SAR1A: variants seen among roughly 807,000 people sequenced by gnomAD.
SAR1A encodes the protein small COPII coat GTPase SAR1A.
Under a neutral mutation model 22.6 loss-of-function variants are expected in SAR1A, and 6 were observed. That is an observed-to-expected ratio of 0.27 (90% CI 0.15 to 0.52). The LOEUF is 0.52. Ranked by LOEUF, SAR1A falls within the 20% of genes least tolerant of loss-of-function variation. The probability of loss-of-function intolerance (pLI) is 0.96; values close to 1 mark genes in which losing one functional copy is unlikely to be tolerated. For missense variants in SAR1A, 145 were observed against 245.1 expected, an observed-to-expected ratio of 0.59 and a Z score of 2.73; for synonymous variants, 70 against 82.2, an observed-to-expected ratio of 0.85 and a Z score of 0.80.
intron 1 of SAR1A, chr10:70,163,963 A>G: frequency 1.4e-6 from 2 of 1,428,532 alleles, no homozygotes; most frequent in Non-Finnish European, 2.0e-6. Flanking sequence ...TGTGTGTTTG[A>G]TAAGGATGGC....
intron 6 of SAR1A, among the ~76,000 whole-genome samples, chr10:70,153,511 C>CA (rs898646096): frequency 4.4e-4 from 65 of 148,296 alleles, no homozygotes; most frequent in African/African-American, 6.2e-4. Context: ...AACTCCAGTC[C>CA]AAAAAAAAAA....
At chr10:70,154,510 T>C (rs1839362969) in intron 5 of SAR1A, among the ~76,000 whole-genome samples, 1 of 142,190 alleles carries the variant, frequency 7.0e-6, no homozygotes, top group African/African-American at 2.5e-5. Flanking sequence ...ATGTTTTTTT[T>C]CTTTTTTCTT....
chr10:70,147,699 T>C lies in SAR1A; in HGVS notation c.*4777A>G, dbSNP rs1839270449. The C allele has an allele frequency of 6.6e-6, 1 of 152,128 alleles. No individual in the cohort carries two copies. The highest frequency in any genetic ancestry group is 1.5e-5 in the Non-Finnish European group (1 of 68,028). 9.4% of individuals were successfully genotyped at this position (152,128 alleles called of 1,614,324 possible). A position where few individuals can be genotyped will look rare whatever the true frequency, so the allele number is the denominator to read the frequency against. ...ATAGTTTACCATCTCTAGTGTACAC[T>C]AACATAAACTGCTCTACTTTTCCAA... On this transcript the variant is annotated 3_prime_UTR_variant, in exon 7 of 7. Coordinates refer to ENST00000373241, the MANE Select transcript of SAR1A (RefSeq NM_020150.5).
At chr10:70,160,579 A>T (rs547913403) in intron 4 of SAR1A, among the ~76,000 whole-genome samples, 2 of 152,346 alleles carry the variant, frequency 1.3e-5, no homozygotes, top group East Asian at 3.9e-4. Context: ...AGCAATACAT[A>T]TATCTTTTAA....
chr10:70,161,005 T>G lies in SAR1A; in HGVS notation c.243A>C (p.Gln81His). The change falls in exon 4 of 7, where the codon CAA (glutamine) becomes CAC (histidine). Residue 81 changes from glutamine to histidine, a missense_variant and splice_region_variant. Coordinates refer to ENST00000373241, the MANE Select transcript of SAR1A (RefSeq NM_020150.5). ...FTTFDLGGHE[Q>H]ARRVWKNYLP... ...GCTTTCCACTGAGTCATCACTTACC[T>G]TGCTCGTGCCCACCAAGATCAAAAG... is the stretch of plus-strand genomic sequence containing the variant. 6.2e-7 allele frequency: 1 copy of G among 1,611,916 alleles called. No homozygotes were observed. The highest frequency in any genetic ancestry group is 8.5e-7 in the Non-Finnish European group (1 of 1,178,600).
chr10:70,151,267 A>AAAAAAAAAAAAAAAAAAAAAAAAAAAAAC lies in SAR1A; in HGVS notation c.*1208_*1209insGTTTTTTTTTTTTTTTTTTTTTTTTTTTT. 1 of 69,636 alleles carries AAAAAAAAAAAAAAAAAAAAAAAAAAAAAC rather than the reference A, an allele frequency of 1.4e-5. No homozygotes were observed. Among genetic ancestry groups the AAAAAAAAAAAAAAAAAAAAAAAAAAAAAC allele is most frequent in the Non-Finnish European group, 3.8e-5 (1 of 26,326 alleles). The allele number at this position is 69,636 out of a possible 1,614,324, so 4.3% of individuals were successfully genotyped here. On this transcript the variant is annotated 3_prime_UTR_variant, in exon 7 of 7. Coordinates refer to ENST00000373241, the MANE Select transcript of SAR1A (RefSeq NM_020150.5). ...GAAAGACAATTTCATACCAAAAAAAAAAAAAAAAAAAAAAAAACCTGGAAA... is the reference window on the plus strand; with the variant it reads ...GAAAGACAATTTCATACCAAAAAAAAAAAAAAAAAAAAAAAAAAAAAAAAAAAACAAAAAAAAAAAAAAAAACCTGGAAA...
chr10:70,157,401 C>CAAAAA (rs55801259), intron 5 of SAR1A, among the ~76,000 whole-genome samples: 2 of 131,240 alleles, frequency 1.5e-5, no homozygotes, highest in African/African-American at 6.0e-5. Flanking sequence ...AAGACTCCGT[C>CAAAAA]AAAAAAAAAA....
At position 70,147,448 on chromosome 10, in the gene SAR1A, C is replaced by T. The variant is rs1218456272; in HGVS notation, c.*5028G>A. 6.6e-6 allele frequency: 1 copy of T among 152,172 alleles called. No individual in the cohort carries two copies. Among genetic ancestry groups the T allele is most frequent in the Non-Finnish European group, 1.5e-5 (1 of 68,042 alleles). 9.4% of individuals were successfully genotyped at this position (152,172 alleles called of 1,614,324 possible). ...AGTTTGGGGGGACCATACAACTTGT[C>T]TCAAATAGTCAACTCTGCAGCTGTT... On this transcript the variant is annotated 3_prime_UTR_variant, in exon 7 of 7. Transcript: ENST00000373241.
At position 70,147,316 on chromosome 10, in the gene SAR1A, C is replaced by T. The variant is rs987846305; in HGVS notation, c.*5160G>A. ...AAATCAAAAATTTTAATCATACAGG[C>T]CTATATTTTACAGTGTGCACATTTC... is the stretch of plus-strand genomic sequence containing the variant. On this transcript the variant is annotated 3_prime_UTR_variant, in exon 7 of 7. Coordinates refer to ENST00000373241, the MANE Select transcript of SAR1A (RefSeq NM_020150.5). 4 of 152,070 alleles carry T rather than the reference C, an allele frequency of 2.6e-5. No individual in the cohort carries two copies. The highest frequency in any genetic ancestry group is 9.7e-5 in the African/African-American group (4 of 41,388). 9.4% of individuals were successfully genotyped at this position (152,070 alleles called of 1,614,324 possible). A position where few individuals can be genotyped will look rare whatever the true frequency, so the allele number is the denominator to read the frequency against.
chr10:70,154,823 G>T (rs529235447), intron 5 of SAR1A, among the ~76,000 whole-genome samples: 2 of 152,268 alleles, frequency 1.3e-5, no homozygotes, highest in African/African-American at 2.4e-5. Flanking sequence ...CAATGAATGG[G>T]AACTGAATAT....
chr10:70,152,392 T>C lies in SAR1A; in HGVS notation c.*84A>G. 8.8e-7 allele frequency: 1 copy of C among 1,133,608 alleles called. No homozygotes were observed. The highest frequency in any genetic ancestry group is 1.3e-6 in the Non-Finnish European group (1 of 747,540). 70.2% of individuals were successfully genotyped at this position (1,133,608 alleles called of 1,614,324 possible). On this transcript the variant is annotated 3_prime_UTR_variant, in exon 7 of 7. Transcript: ENST00000373241. The stretch of plus-strand genomic sequence containing the variant: ...CCAGACATGGTTGGAGAGCTTTCCT[T>C]GTTCTATTAGAAAAGTTCATGAGGA...
chr10:70,170,193 C>G (rs1467882104), intron 1 of SAR1A, among the ~76,000 whole-genome samples: 2 of 152,060 alleles, frequency 1.3e-5, no homozygotes, highest in African/African-American at 4.8e-5. Context: ...GAGCGGAATG[C>G]AAGTGGACCC....
At position 70,152,346 on chromosome 10, in the gene SAR1A, G is replaced by A; in HGVS notation, c.*130C>T. 1 of 915,904 alleles carries A rather than the reference G, an allele frequency of 1.1e-6. No individual in the cohort carries two copies. The highest frequency in any genetic ancestry group is 1.7e-6 in the Non-Finnish European group (1 of 575,434). 56.7% of individuals were successfully genotyped at this position (915,904 alleles called of 1,614,324 possible). A position where few individuals can be genotyped will look rare whatever the true frequency, so the allele number is the denominator to read the frequency against. ...CCACTGGGCAATGAGAGAGTTGACAGAGACTCTTGGCTTCTCAACGCCAGA... is the reference window on the plus strand; with the variant it reads ...CCACTGGGCAATGAGAGAGTTGACAAAGACTCTTGGCTTCTCAACGCCAGA... On this transcript the variant is annotated 3_prime_UTR_variant, in exon 7 of 7. Transcript: ENST00000373241.
intron 4 of SAR1A, among the ~76,000 whole-genome samples, chr10:70,160,670 T>TAAAATGCAAGATGC (rs1839457524): frequency 6.6e-6 from 1 of 152,192 alleles, no homozygotes; most frequent in South Asian, 2.1e-4. Flanking sequence ...CTGTCCTGCT[T>TAAAATGCAAGATGC]TGTAAAAATT....
At position 70,153,948 on chromosome 10, in the gene SAR1A, T is replaced by C. The variant is rs1401435092; in HGVS notation, c.370A>G (p.Ile124Val). 2 of 1,592,736 alleles carry C rather than the reference T, an allele frequency of 1.3e-6. No homozygotes were observed. Among genetic ancestry groups the C allele is most frequent in the African/African-American group, 2.7e-5 (2 of 73,548 alleles). The change falls in exon 6 of 7, where the codon ATA (isoleucine) becomes GTA (valine). Residue 124 changes from isoleucine (I) to valine (V), a missense_variant. Physicochemically the swap from Ile to Val is conservative, Grantham distance 29 (BLOSUM62 3). Transcript: ENST00000373241. Reference protein sequence around the residue: ...ELNALMTDETISNVPILILGN... With the variant: ...ELNALMTDETVSNVPILILGN... ...AAGATAAGGATTGGCACATTGGATA[T>C]TGTTTCATCAGTCATTAAAGCCTAA...
chr10:70,155,693 G>A (rs567382098), intron 5 of SAR1A, among the ~76,000 whole-genome samples: 1 of 152,288 alleles, frequency 6.6e-6, no homozygotes, highest in African/African-American at 2.4e-5. Context: ...CTTACCAGAA[G>A]CAGTCATATC....
chr10:70,152,315 A>G lies in SAR1A; in HGVS notation c.*161T>C. On this transcript the variant is annotated 3_prime_UTR_variant, in exon 7 of 7. Coordinates refer to ENST00000373241, the MANE Select transcript of SAR1A (RefSeq NM_020150.5). ...CTCCCAACAGTGTGGAGAAGAGCACATGTCACCACTGGGCAATGAGAGAGT... is the reference window on the plus strand; with the variant it reads ...CTCCCAACAGTGTGGAGAAGAGCACGTGTCACCACTGGGCAATGAGAGAGT... 2.2e-6 allele frequency: 2 copies of G among 897,048 alleles called. No homozygotes were observed. The highest frequency in any genetic ancestry group is 3.5e-6 in the Non-Finnish European group (2 of 571,898). The allele number at this position is 897,048 out of a possible 1,614,324, so 55.6% of individuals were successfully genotyped here.
At chr10:70,169,520 T>C (rs1187139932) in intron 1 of SAR1A, among the ~76,000 whole-genome samples, 1 of 152,226 alleles carries the variant, frequency 6.6e-6, no homozygotes, top group East Asian at 1.9e-4. Flanking sequence ...ATTCCAGGGC[T>C]AAATGATTCA....
intron 1 of SAR1A, among the ~76,000 whole-genome samples, chr10:70,163,235 T>C (rs1839500291): frequency 6.6e-6 from 1 of 152,086 alleles, no homozygotes; most frequent in Admixed American, 6.6e-5. Flanking sequence ...TTATTGCTGA[T>C]AAAAAATAAT....
Sources: allele counts gnomAD v4.1 joint callset (sites outside exome capture counted in the v4.1 genomes callset), GRCh38; gene constraint gnomAD v4.1.1; transcripts MANE v1.5; gene names NCBI Gene and HGNC (gene_info 2026-07-23, HGNC 2026-07-21).